ANTXR1: variants seen among roughly 807,000 people sequenced by gnomAD.
ANTXR1 encodes ANTXR cell adhesion molecule 1, also known as anthrax toxin receptor 1.
ANTXR1 carries 19 observed loss-of-function variants against 78.1 expected under a neutral mutation model. The observed-to-expected ratio is 0.24, with a 90% CI of 0.17 to 0.36. The LOEUF is 0.36. Ranked by LOEUF, ANTXR1 falls within the 10% of genes least tolerant of loss-of-function variation. The probability of loss-of-function intolerance (pLI) is 1.00; values close to 1 mark genes in which losing one functional copy is unlikely to be tolerated. For missense variants in ANTXR1, 518 were observed against 718.6 expected (o/e 0.72, Z 3.19); for synonymous variants, 273 against 260.5 (o/e 1.05, Z -0.46).
At chr2:69,059,939 C>G (rs1299346570) in intron 3 of ANTXR1, among the ~76,000 whole-genome samples, 1 of 152,170 alleles carries the variant, frequency 6.6e-6, no homozygotes, top group Non-Finnish European at 1.5e-5. Flanking sequence ...GGTGAAATTA[C>G]TGCACAAATG....
intron 17 of ANTXR1, among the ~76,000 whole-genome samples, chr2:69,197,350 T>A (rs1658895948): frequency 6.6e-6 from 1 of 152,142 alleles, no homozygotes; most frequent in South Asian, 2.1e-4. Context: ...TTGCAAAAAC[T>A]GTGGGAAAAC....
intron 17 of ANTXR1, among the ~76,000 whole-genome samples, chr2:69,205,240 C>T (rs183406701): frequency 4.6e-5 from 7 of 152,274 alleles, no homozygotes; most frequent in Admixed American, 3.3e-4. Context: ...AGGACAAACT[C>T]TCCCAGTGCA....
chr2:69,022,863 A>G (rs536029504), intron 1 of ANTXR1, among the ~76,000 whole-genome samples: 1 of 152,358 alleles, frequency 6.6e-6, no homozygotes, highest in African/African-American at 2.4e-5. Context: ...GAAACCACAC[A>G]CAATATGAAG....
In ANTXR1 at chr2:69,209,858, A is replaced by G. The variant is rs75312033; in HGVS notation, c.1434+16443A>G. On this transcript the variant is annotated intron_variant, in intron 17 of 17. Coordinates refer to ENST00000303714, the MANE Select transcript of ANTXR1 (RefSeq NM_032208.3). Reference sequence around the variant, plus strand: ...GACATTTGGATTTTACTCTGGATGTAACATGGAGGGGAGGGCTTAGCAGGG... The same window carrying G: ...GACATTTGGATTTTACTCTGGATGTGACATGGAGGGGAGGGCTTAGCAGGG... Among the ~76,000 whole-genome samples, 187 of 152,346 alleles carry G rather than the reference A, an allele frequency of 1.2e-3. 6 individuals are homozygous for G. The East Asian group carries it at 0.032, about 26-fold the overall frequency.
chr2:69,175,456 A>C (rs111440500), intron 14 of ANTXR1, among the ~76,000 whole-genome samples: 9,235 of 151,998 alleles, frequency 0.061, 923 homozygotes, highest in African/African-American at 0.21. Context: ...CGCCGCCGAT[A>C]TCTACAAAAA....
chr2:69,154,826 GC>G lies in ANTXR1; in HGVS notation c.1047+2567del, dbSNP rs1385013579. On this transcript the variant is annotated intron_variant, in intron 13 of 17. Coordinates refer to ENST00000303714, the MANE Select transcript of ANTXR1 (RefSeq NM_032208.3). ...CTCAAAATATTTAACAACCTGCAAG[GC>G]CCCCACCCCCGCTGAGCCACACATT... Among the ~76,000 whole-genome samples, 5 of 152,268 alleles carry G rather than the reference GC, an allele frequency of 3.3e-5. 1 individual carries two copies. Among genetic ancestry groups the G allele is most frequent in the African/African-American group, 1.2e-4 (5 of 41,550 alleles).
At chr2:69,027,819 A>C (rs552187864) in intron 1 of ANTXR1, among the ~76,000 whole-genome samples, 1 of 152,242 alleles carries the variant, frequency 6.6e-6, no homozygotes, top group East Asian at 1.9e-4. Context: ...AGTAGCAAAA[A>C]AAAAAAAAAG....
chr2:69,118,742 C>T (rs895444144), intron 10 of ANTXR1, among the ~76,000 whole-genome samples: 5 of 152,152 alleles, frequency 3.3e-5, no homozygotes, highest in Admixed American at 6.5e-5. Context: ...GTGGCACGGC[C>T]GAGGTGCAGC....
chr2:69,056,425 A>G (rs951124597), intron 3 of ANTXR1, among the ~76,000 whole-genome samples: 3 of 151,884 alleles, frequency 2.0e-5, no homozygotes, highest in Non-Finnish European at 4.4e-5. Flanking sequence ...ACTCACTTCA[A>G]TTTTTTAAGT....
intron 9 of ANTXR1, among the ~76,000 whole-genome samples, chr2:69,096,580 A>T (rs540277505): frequency 3.3e-5 from 5 of 150,856 alleles, no homozygotes; most frequent in African/African-American, 1.2e-4. Flanking sequence ...CCTTCCCAGA[A>T]CTCCTCCACT....
At chr2:69,172,649 T>A in intron 14 of ANTXR1, 1 of 736,048 alleles carries the variant, frequency 1.4e-6, no homozygotes. Context: ...GAGGCATGTC[T>A]ACTATTTAAA....
intron 17 of ANTXR1, among the ~76,000 whole-genome samples, chr2:69,224,399 C>T (rs887264155): frequency 4.6e-5 from 7 of 152,164 alleles, no homozygotes; most frequent in Admixed American, 1.3e-4. Context: ...GGTAATCAGC[C>T]GTAAAATTGT....
intron 10 of ANTXR1, chr2:69,103,871 A>T (rs1345773254): frequency 1.3e-5 from 2 of 152,814 alleles, no homozygotes; most frequent in Non-Finnish European, 2.9e-5. Context: ...TAAAGAGAGC[A>T]AGGAGGACAG....
chr2:69,029,660 A>G (rs1461590871), intron 1 of ANTXR1, among the ~76,000 whole-genome samples: 3 of 152,108 alleles, frequency 2.0e-5, no homozygotes, highest in Non-Finnish European at 4.4e-5. Flanking sequence ...CTCAATAATT[A>G]TAAGGTTTTG....
rs756137039 is a variant in ANTXR1, at chr2:69,124,655, C to T, written c.951+12C>T. ...CCACCACACACTGTGTAAGTCATAA[C>T]CTTTCCCTTTACTAAAGATCTCATT... On this transcript the variant is annotated intron_variant, in intron 12 of 17. Transcript: ENST00000303714. 2 of 1,613,062 alleles carry T rather than the reference C, an allele frequency of 1.2e-6. No homozygotes were observed. Among genetic ancestry groups the T allele is most frequent in the South Asian group, 2.2e-5 (2 of 91,054 alleles).
intron 10 of ANTXR1, chr2:69,103,524 T>C (rs1253703475): frequency 6.1e-6 from 1 of 165,184 alleles, no homozygotes; most frequent in Non-Finnish European, 1.4e-5. Flanking sequence ...GGTGAATATC[T>C]TACATGAAAT....
intron 10 of ANTXR1, among the ~76,000 whole-genome samples, chr2:69,119,609 C>T (rs188446470): frequency 1.0e-3 from 152 of 152,370 alleles, no homozygotes; most frequent in African/African-American, 2.8e-3. Flanking sequence ...GCAACCTTAG[C>T]TCACTGTCAT....
chr2:69,091,118 T>TAAA (rs199910182), intron 9 of ANTXR1, among the ~76,000 whole-genome samples, 199 bp downstream of exon 9: 27 of 138,962 alleles, frequency 1.9e-4, no homozygotes, highest in African/African-American at 3.2e-4. Context: ...GTTTGGAAGT[T>TAAA]AAAAAAAAAA....
chr2:69,212,776 C>A (rs985235272), intron 17 of ANTXR1, among the ~76,000 whole-genome samples: 10 of 151,860 alleles, frequency 6.6e-5, no homozygotes, highest in African/African-American at 2.4e-4. Context: ...CTCTGCCTCC[C>A]AAGTAGCTGG....
Sources: gnomAD v4.1 joint callset for allele counts (sites outside exome capture counted in the v4.1 genomes callset) on GRCh38, gnomAD v4.1.1 for gene constraint, MANE v1.5 for transcripts, NCBI Gene and HGNC (gene_info 2026-07-23, HGNC 2026-07-21) for gene names.